GALNT13: variants seen among roughly 807,000 people sequenced by gnomAD.
The protein encoded by GALNT13 is UDP-GalNAc:polypeptide N-acetylgalactosaminyltransferase 13.
GALNT13 carries 28 observed loss-of-function variants against 64.2 expected under a neutral mutation model. That is an observed-to-expected ratio of 0.44 (90% CI 0.32 to 0.60). The LOEUF is 0.60. Ranked by LOEUF, GALNT13 falls within the 20% of genes least tolerant of loss-of-function variation. GALNT13 has a pLI of 0.05. For missense variants in GALNT13, 577 were observed against 669.8 expected (o/e 0.86, Z 1.53); for synonymous variants, 214 against 224.6 (o/e 0.95, Z 0.42).
At chr2:154,097,285 A>G (rs1702123865) in intron 3 of GALNT13, among the ~76,000 whole-genome samples, 2 of 152,182 alleles carry the variant, frequency 1.3e-5, no homozygotes, top group South Asian at 2.1e-4. Flanking sequence ...AGATGAACAC[A>G]TAAATAAAAC....
At chr2:153,714,170 T>G in the GALNT13 span, among the ~76,000 whole-genome samples, 9 of 152,266 alleles carry the variant, frequency 5.9e-5, no homozygotes, top group African/African-American at 2.2e-4. Context: ...TTAGACATGT[T>G]TGTTGTCTTT....
At chr2:154,265,516 T>C (rs1034291421) in intron 8 of GALNT13, among the ~76,000 whole-genome samples, 2 of 151,950 alleles carry the variant, frequency 1.3e-5, no homozygotes, top group Non-Finnish European at 2.9e-5. Context: ...CTAGCCAACA[T>C]GATGAAACCC....
the GALNT13 span, among the ~76,000 whole-genome samples, chr2:153,859,094 G>A: frequency 0.42 from 63,256 of 151,978 alleles, 14,092 homozygotes; most frequent in Admixed American, 0.57. Context: ...CGCAACCATT[G>A]GAGGTCTTGG....
chr2:153,482,056 T>C, the GALNT13 span, among the ~76,000 whole-genome samples: 1 of 151,992 alleles, frequency 6.6e-6, no homozygotes, highest in African/African-American at 2.4e-5. Context: ...AGCAAAATAG[T>C]TTATTGAACC....
chr2:153,249,781 A>T, the GALNT13 span, among the ~76,000 whole-genome samples: 9 of 152,236 alleles, frequency 5.9e-5, no homozygotes, highest in African/African-American at 1.9e-4. Flanking sequence ...TGAGGAAATT[A>T]TTCCATATTT....
chr2:153,198,007 A>T, the GALNT13 span, among the ~76,000 whole-genome samples: 9 of 152,022 alleles, frequency 5.9e-5, no homozygotes, highest in African/African-American at 2.2e-4. Context: ...CCCTGCTTGT[A>T]AGGTTCTGTG....
chr2:153,975,662 C>A (rs907561991), intron 3 of GALNT13, among the ~76,000 whole-genome samples: 2 of 152,016 alleles, frequency 1.3e-5, no homozygotes, highest in African/African-American at 4.8e-5. Flanking sequence ...CTGCTTTCTT[C>A]TCATCATTAA....
intron 6 of GALNT13, 139 bp from the exon 7 acceptor site, chr2:154,245,673 A>G: frequency 3.6e-6 from 2 of 552,364 alleles, no homozygotes; most frequent in Non-Finnish European, 6.4e-6. Flanking sequence ...CCATGGACTA[A>G]TAGGATAAAA....
At chr2:154,175,609 A>G (rs1363094491) in intron 4 of GALNT13, among the ~76,000 whole-genome samples, 1 of 152,158 alleles carries the variant, frequency 6.6e-6, no homozygotes, top group African/African-American at 2.4e-5. Flanking sequence ...TCCTTGGAAA[A>G]TCTTGTTAAA....
chr2:153,907,406 T>A (rs567284117), intron 2 of GALNT13, among the ~76,000 whole-genome samples: 3 of 152,042 alleles, frequency 2.0e-5, no homozygotes, highest in East Asian at 3.9e-4. Flanking sequence ...TACACTTTTT[T>A]AACTTTTATT....
intron 11 of GALNT13, among the ~76,000 whole-genome samples, chr2:154,413,427 T>C (rs1699877176): frequency 2.0e-5 from 3 of 151,988 alleles, no homozygotes; most frequent in Admixed American, 2.0e-4. Context: ...ATTATTTTCA[T>C]AACTCATAAT....
chr2:154,287,891 C>A (rs1050348224), intron 8 of GALNT13, among the ~76,000 whole-genome samples: 5 of 152,082 alleles, frequency 3.3e-5, no homozygotes, highest in African/African-American at 1.2e-4. Flanking sequence ...CCCAGTCTTG[C>A]TAGACTGGTC....
chr2:153,192,002 C>A, the GALNT13 span, among the ~76,000 whole-genome samples: 1 of 151,732 alleles, frequency 6.6e-6, no homozygotes, highest in African/African-American at 2.4e-5. Context: ...CAAAAACCAA[C>A]TTTTCATTTT....
chr2:153,812,648 T>C, the GALNT13 span, among the ~76,000 whole-genome samples: 1 of 152,194 alleles, frequency 6.6e-6, no homozygotes, highest in Non-Finnish European at 1.5e-5. Context: ...TTCCTACAGA[T>C]TATATTTCTT....
chr2:154,273,322 T>A (rs541984080), intron 8 of GALNT13, among the ~76,000 whole-genome samples: 1 of 152,132 alleles, frequency 6.6e-6, no homozygotes, highest in African/African-American at 2.4e-5. Context: ...GGGGGGAACA[T>A]TCAGCATAGA....
chr2:153,995,171 T>C (rs1004934040), intron 3 of GALNT13, among the ~76,000 whole-genome samples: 1 of 152,114 alleles, frequency 6.6e-6, no homozygotes, highest in Non-Finnish European at 1.5e-5. Flanking sequence ...TTTGCATATC[T>C]ATATTAAATA....
chr2:153,136,034 G>A, the GALNT13 span, among the ~76,000 whole-genome samples: 1 of 152,062 alleles, frequency 6.6e-6, no homozygotes, highest in Non-Finnish European at 1.5e-5. Context: ...TTTCAGATGT[G>A]CTTCCCTAGA....
chr2:153,277,036 A>G, the GALNT13 span, among the ~76,000 whole-genome samples: 1 of 152,200 alleles, frequency 6.6e-6, no homozygotes, highest in Non-Finnish European at 1.5e-5. Context: ...ATTCAATAAT[A>G]AGATAATTTT....
intron 4 of GALNT13, among the ~76,000 whole-genome samples, chr2:154,153,736 A>T (rs1284189884): frequency 6.6e-6 from 1 of 152,236 alleles, no homozygotes; most frequent in Non-Finnish European, 1.5e-5. Context: ...CCTCCGAGCC[A>T]GGTGCAGGAT....
Sources: gnomAD v4.1 joint callset for allele counts (sites outside exome capture counted in the v4.1 genomes callset) on GRCh38, gnomAD v4.1.1 for gene constraint, MANE v1.5 for transcripts, NCBI Gene and HGNC (gene_info 2026-07-23, HGNC 2026-07-21) for gene names.